The following ZNF704 variants were observed in gnomAD, a reference collection of about 807,000 sequenced individuals.
ZNF704 encodes zinc finger protein 704.
ZNF704 carries 10 observed loss-of-function variants against 44.7 expected under a neutral mutation model. That is an observed-to-expected ratio of 0.22 (90% confidence interval 0.14 to 0.38). The LOEUF is 0.38. Ranked by LOEUF, ZNF704 falls within the 10% of genes least tolerant of loss-of-function variation. ZNF704 has a pLI of 1.00. For synonymous variants in ZNF704, 211 were observed against 207.6 expected (o/e 1.02, Z -0.14); for missense variants, 390 against 545.5 (o/e 0.71, Z 2.84).
intron 2 of ZNF704, among the ~76,000 whole-genome samples, chr8:80,817,487 TG>T (rs1456024180): frequency 6.6e-6 from 1 of 152,214 alleles, no homozygotes; most frequent in African/African-American, 2.4e-5. Flanking sequence ...CACCCTAAAC[TG>T]ACATGCATCT....
Position 80,640,996 on chromosome 8 carries a change from T to C in ZNF704, c.*370A>G, listed in dbSNP as rs768974235. The C allele has an allele frequency of 3.1e-5, 5 of 160,536 alleles. No homozygotes were observed. Among genetic ancestry groups the C allele is most frequent in the Non-Finnish European group, 6.8e-5 (5 of 73,172 alleles). The allele number at this position is 160,536 out of a possible 1,614,324, so 9.9% of individuals were successfully genotyped here. On this transcript the variant is annotated 3_prime_UTR_variant, in exon 9 of 9. Coordinates refer to ENST00000327835, the MANE Select transcript of ZNF704 (RefSeq NM_001033723.3). ...TGTCAAAAAAATCTTGAAAATGGCA[T>C]AATTCAGAAAGCTTATCAAAATATG...
chr8:80,778,893 A>G (rs765822450), intron 2 of ZNF704, among the ~76,000 whole-genome samples: 12 of 152,294 alleles, frequency 7.9e-5, no homozygotes, highest in African/African-American at 2.9e-4. Context: ...AGCAGAAAAG[A>G]TAACTATTGA....
At chr8:80,867,175 G>C (rs760606539) in intron 1 of ZNF704, among the ~76,000 whole-genome samples, 6 of 152,086 alleles carry the variant, frequency 3.9e-5, no homozygotes, top group African/African-American at 1.2e-4. Flanking sequence ...CTGTGTATAC[G>C]TGTCCCTTGG....
At position 80,758,761 on chromosome 8, in the gene ZNF704, C is replaced by T. The variant is rs185928412; in HGVS notation, c.221+62613G>A. ...TTTCATATTTTAATATGTTTGAAAT[C>T]AGGTGCATTTTATAATCAATCAAGT... On this transcript the variant is annotated intron_variant, in intron 2 of 8. Transcript: ENST00000327835. 2.9e-4 allele frequency among the ~76,000 whole-genome samples: 44 copies of T among 152,230 alleles called. No homozygotes were observed. The East Asian group carries it at 6.9e-3, about 24-fold the overall frequency.
intron 1 of ZNF704, among the ~76,000 whole-genome samples, chr8:80,836,112 G>A (rs1808554457): frequency 6.6e-6 from 1 of 152,158 alleles, no homozygotes; most frequent in African/African-American, 2.4e-5. Flanking sequence ...CTCCTTGGCT[G>A]AGAACCCTCC....
intron 2 of ZNF704, among the ~76,000 whole-genome samples, chr8:80,775,217 G>A (rs1401405808): frequency 2.6e-5 from 4 of 152,112 alleles, no homozygotes. Flanking sequence ...AAACATCTTG[G>A]TTATAAAAAC....
intron 7 of ZNF704, among the ~76,000 whole-genome samples, chr8:80,652,810 T>G (rs1817944994): frequency 6.6e-6 from 1 of 152,162 alleles, no homozygotes; most frequent in Non-Finnish European, 1.5e-5. Flanking sequence ...CCTCCCTAAC[T>G]CATTTTATGA....
intron 3 of ZNF704, among the ~76,000 whole-genome samples, chr8:80,690,879 C>T (rs767873800): frequency 6.6e-6 from 1 of 152,192 alleles, no homozygotes; most frequent in Non-Finnish European, 1.5e-5. Flanking sequence ...TGTGGTGGCA[C>T]ATGCCAGTAA....
intron 1 of ZNF704, among the ~76,000 whole-genome samples, chr8:80,857,598 T>C (rs888797449): frequency 5.3e-5 from 8 of 152,194 alleles, no homozygotes; most frequent in Non-Finnish European, 1.2e-4. Context: ...TCATAATGTA[T>C]CATACATTTT....
chr8:80,811,949 G>T (rs1232686114), intron 2 of ZNF704, among the ~76,000 whole-genome samples: 2 of 152,124 alleles, frequency 1.3e-5, no homozygotes, highest in Non-Finnish European at 2.9e-5. Context: ...CGCATGTGAG[G>T]TGTCTAGTTT....
intron 2 of ZNF704, among the ~76,000 whole-genome samples, chr8:80,810,116 T>C (rs1027565164): frequency 6.6e-5 from 10 of 152,238 alleles, no homozygotes; most frequent in Admixed American, 1.3e-4. Flanking sequence ...CTTTCTGCTT[T>C]CAGTGTCAAC....
intron 4 of ZNF704, among the ~76,000 whole-genome samples, chr8:80,675,378 T>C (rs896623830): frequency 4.6e-5 from 7 of 152,212 alleles, no homozygotes; most frequent in African/African-American, 1.4e-4. Context: ...ATGTGGGACT[T>C]TGCAGACAAA....
In ZNF704 at chr8:80,635,287, C is replaced by T. The variant is rs1000875929; in HGVS notation, c.*6079G>A. ...TTTTAATAAACTCTTCACAACTCCC[C>T]TCTGTTTCCTGGTTCTTGGGAACTC... On this transcript the variant is annotated 3_prime_UTR_variant, in exon 9 of 9. Transcript: ENST00000327835. The T allele has an allele frequency of 8.5e-5, 13 of 152,240 alleles. No homozygotes were observed. Among genetic ancestry groups the T allele is most frequent in the African/African-American group, 2.9e-4 (12 of 41,460 alleles). The allele number at this position is 152,240 out of a possible 1,614,324, so 9.4% of individuals were successfully genotyped here.
At chr8:80,807,939 G>A (rs142703988) in intron 2 of ZNF704, among the ~76,000 whole-genome samples, 3 of 152,206 alleles carry the variant, frequency 2.0e-5, no homozygotes, top group Non-Finnish European at 4.4e-5. Flanking sequence ...AAACATTCTT[G>A]GTTTTCTCTA....
chr8:80,844,767 A>G (rs1339754415), intron 1 of ZNF704, among the ~76,000 whole-genome samples: 1 of 152,148 alleles, frequency 6.6e-6, no homozygotes, highest in Non-Finnish European at 1.5e-5. Context: ...ATGTAGAGAC[A>G]ATCAAAAGTT....
rs543902443 is a variant in ZNF704, at chr8:80,679,873, T to C, written c.558+7353A>G. ...CATAGCAGCTTCCAGACAAACTCTT[T>C]AGAATTTCTCAACATTGATGCTGTG... On this transcript the variant is annotated intron_variant, in intron 4 of 8. Transcript: ENST00000327835. 1.4e-4 allele frequency among the ~76,000 whole-genome samples: 22 copies of C among 152,298 alleles called. No individual in the cohort carries two copies. The East Asian group carries it at 3.5e-3, about 24-fold the overall frequency.
chr8:80,862,801 G>A (rs999457392), intron 1 of ZNF704, among the ~76,000 whole-genome samples: 5 of 147,554 alleles, frequency 3.4e-5, no homozygotes, highest in African/African-American at 1.3e-4. Context: ...AGAATAAGGA[G>A]CTAAAAGAAT....
At chr8:80,811,648 G>A (rs1808084649) in intron 2 of ZNF704, among the ~76,000 whole-genome samples, 1 of 152,202 alleles carries the variant, frequency 6.6e-6, no homozygotes, top group Non-Finnish European at 1.5e-5. Context: ...ATGTGGTAGT[G>A]TGTTAACTAT....
intron 1 of ZNF704, among the ~76,000 whole-genome samples, chr8:80,830,916 C>G (rs1808461184): frequency 6.6e-6 from 1 of 151,904 alleles, no homozygotes; most frequent in Admixed American, 6.6e-5. Flanking sequence ...TGCCACCACA[C>G]CCAGCTTTTT....
Sources: gnomAD v4.1 joint callset for allele counts (sites outside exome capture counted in the v4.1 genomes callset) on GRCh38, gnomAD v4.1.1 for gene constraint, MANE v1.5 for transcripts, NCBI Gene and HGNC (gene_info 2026-07-23, HGNC 2026-07-21) for gene names.